Variants in GRID2 observed in about 807,000 individuals in gnomAD.
GRID2 encodes the protein glutamate ionotropic receptor delta type subunit 2.
GRID2 carries 33 observed loss-of-function variants against 114.8 expected under a neutral mutation model. That is an observed-to-expected ratio of 0.29 (90% confidence interval 0.22 to 0.38). The LOEUF (loss-of-function observed/expected upper bound fraction) is 0.38. Among genes scored for constraint, GRID2 ranks in the 10% least tolerant of loss-of-function variants. The pLI is 1.00. For missense variants in GRID2, 1,184 were observed against 1,257.7 expected, an observed-to-expected ratio of 0.94 and a Z score of 0.89; for synonymous variants, 505 against 449.9, an observed-to-expected ratio of 1.12 and a Z score of -1.55.
chr4:93,256,527 C>G (rs555979186), intron 8 of GRID2, among the ~76,000 whole-genome samples: 1 of 151,498 alleles, frequency 6.6e-6, no homozygotes, highest in Middle Eastern at 3.2e-3. Flanking sequence ...CATGGCATAG[C>G]AAGGTTAGAC....
chr4:92,959,008 G>C (rs1578602865), intron 2 of GRID2, among the ~76,000 whole-genome samples: 1 of 147,854 alleles, frequency 6.8e-6, no homozygotes, highest in East Asian at 2.0e-4. Flanking sequence ...TAGATCTGTA[G>C]TGATGTGTCT....
At chr4:93,526,197 C>T (rs1429264263) in intron 13 of GRID2, among the ~76,000 whole-genome samples, 1 of 152,100 alleles carries the variant, frequency 6.6e-6, no homozygotes, top group Non-Finnish European at 1.5e-5. Context: ...TGAGTGAGTT[C>T]TTGCCGAGCT....
chr4:93,182,504 C>T (rs1324892807), intron 4 of GRID2, among the ~76,000 whole-genome samples: 1 of 152,060 alleles, frequency 6.6e-6, no homozygotes, highest in Non-Finnish European at 1.5e-5. Context: ...TAGGCAACTC[C>T]TAATTAATAT....
intron 2 of GRID2, among the ~76,000 whole-genome samples, chr4:92,918,792 G>A (rs1412187915): frequency 6.6e-6 from 1 of 152,086 alleles, no homozygotes; most frequent in Non-Finnish European, 1.5e-5. Context: ...TGTTCATGAG[G>A]GATATTGGTC....
chr4:93,767,135 A>C (rs1016915589), intron 14 of GRID2, among the ~76,000 whole-genome samples: 1 of 152,188 alleles, frequency 6.6e-6, no homozygotes, highest in Non-Finnish European at 1.5e-5. Context: ...AAATGAGAGA[A>C]GGGGAATGAA....
intron 2 of GRID2, among the ~76,000 whole-genome samples, chr4:92,745,333 C>CT (rs1318093695): frequency 6.6e-6 from 1 of 151,988 alleles, no homozygotes; most frequent in Non-Finnish European, 1.5e-5. Context: ...GAGTATTTCC[C>CT]TTTGTTGAAT....
chr4:92,371,038 C>T (rs143871816), intron 1 of GRID2, among the ~76,000 whole-genome samples: 1 of 152,244 alleles, frequency 6.6e-6, no homozygotes, highest in Admixed American at 6.5e-5. Context: ...TTCCCTTACA[C>T]CACAATTTAA....
intron 1 of GRID2, among the ~76,000 whole-genome samples, chr4:92,548,360 C>A (rs1726382290): frequency 6.9e-6 from 1 of 144,984 alleles, no homozygotes; most frequent in Non-Finnish European, 1.5e-5. Context: ...TTGTATTAGT[C>A]CATTCTCAAA....
At chr4:92,768,564 C>G (rs1738379897) in intron 2 of GRID2, among the ~76,000 whole-genome samples, 1 of 152,110 alleles carries the variant, frequency 6.6e-6, no homozygotes, top group Non-Finnish European at 1.5e-5. Flanking sequence ...TTTATTTTCC[C>G]ATTGCTAATA....
At chr4:92,945,620 G>A (rs367552976) in intron 2 of GRID2, among the ~76,000 whole-genome samples, 4 of 152,096 alleles carry the variant, frequency 2.6e-5, no homozygotes, top group Admixed American at 6.6e-5. Flanking sequence ...CACTGGGGAG[G>A]GAGTTTTAAT....
intron 13 of GRID2, among the ~76,000 whole-genome samples, chr4:93,586,003 A>G (rs13145107): frequency 0.21 from 32,669 of 152,026 alleles, 3,998 homozygotes; most frequent in Middle Eastern, 0.35. Flanking sequence ...TAAACCCATG[A>G]GTTTGTTAAT....
rs546827152 is a variant in GRID2 at position 93,115,092 on chromosome 4, T to TTGTGTG, written c.735+4165_735+4170dup. 6.1e-3 allele frequency among the ~76,000 whole-genome samples: 869 copies of TTGTGTG among 142,784 alleles called. 5 individuals carry two copies. The highest frequency in any genetic ancestry group is 0.016 in the African/African-American group (649 of 39,460). The allele number at this position is 142,784 out of a possible 152,430, so 93.7% of individuals were successfully genotyped here. The stretch of plus-strand genomic sequence containing the variant: ...CAATTCAGAATGTGTCTGTGTGTGC[T>TTGTGTG]TGTGTGTGTGTGTGTGTGTGTGTGT... On this transcript the variant is annotated intron_variant, in intron 4 of 15. Transcript: ENST00000282020.
chr4:93,654,810 A>G (rs1030605900), intron 14 of GRID2, among the ~76,000 whole-genome samples: 5 of 152,162 alleles, frequency 3.3e-5, no homozygotes, highest in African/African-American at 1.2e-4. Flanking sequence ...GTAAGTGAGT[A>G]TCACATACTT....
At chr4:92,815,089 G>T (rs1316359311) in intron 2 of GRID2, among the ~76,000 whole-genome samples, 3 of 152,082 alleles carry the variant, frequency 2.0e-5, no homozygotes, top group African/African-American at 7.2e-5. Context: ...GAACAAATCA[G>T]AATTTCTTAC....
chr4:93,133,143 C>A (rs1354434383), intron 4 of GRID2, among the ~76,000 whole-genome samples: 1 of 152,060 alleles, frequency 6.6e-6, no homozygotes, highest in Non-Finnish European at 1.5e-5. Context: ...CTTGCATGCA[C>A]GTTCTCGCTC....
At position 92,379,094 on chromosome 4, in the gene GRID2, C is replaced by A. The variant is rs138161028; in HGVS notation, c.88+74350C>A. 7.0e-4 allele frequency among the ~76,000 whole-genome samples: 106 copies of A among 151,702 alleles called. No homozygotes were observed. In the East Asian group the frequency reaches 0.019, roughly 28 times the overall value. ...ATTTTTTTAAACAAATATTTGGTAC[C>A]AGAATAACAAGGTATGCAAAATGAC... On this transcript the variant is annotated intron_variant, in intron 1 of 15. Coordinates refer to ENST00000282020, the MANE Select transcript of GRID2 (RefSeq NM_001510.4).
chr4:92,969,879 G>GTAGGCAA (rs1291431776), intron 2 of GRID2, among the ~76,000 whole-genome samples: 1 of 151,878 alleles, frequency 6.6e-6, no homozygotes, highest in African/African-American at 2.4e-5. Context: ...CACAATAACA[G>GTAGGCAA]TAGGCAATTC....
In GRID2 at chr4:92,733,764, G is replaced by A. The variant is rs541473138; in HGVS notation, c.244+143478G>A. On this transcript the variant is annotated intron_variant, in intron 2 of 15. Transcript: ENST00000282020. ...AATCAAGTGTAAGATCCTGGGGGCTGTGATCCTGGCTCTGTCCCTTTAAAA... is the reference window on the plus strand; with the variant it reads ...AATCAAGTGTAAGATCCTGGGGGCTATGATCCTGGCTCTGTCCCTTTAAAA... 2.1e-4 allele frequency among the ~76,000 whole-genome samples: 32 copies of A among 152,182 alleles called. No homozygotes were observed. In the East Asian group the frequency reaches 4.4e-3, roughly 21 times the overall value.
intron 1 of GRID2, among the ~76,000 whole-genome samples, chr4:92,366,345 A>G (rs1728865658): frequency 6.6e-6 from 1 of 152,070 alleles, no homozygotes; most frequent in Non-Finnish European, 1.5e-5. Flanking sequence ...CTTGAGAGCT[A>G]GAAAACATTT....
Sources: gnomAD v4.1 joint callset for allele counts (sites outside exome capture counted in the v4.1 genomes callset) on GRCh38, gnomAD v4.1.1 for gene constraint, MANE v1.5 for transcripts, NCBI Gene and HGNC (gene_info 2026-07-23, HGNC 2026-07-21) for gene names.